Variants in BANF2 observed in about 807,000 individuals in gnomAD.
BANF2 encodes BANF family member 2, also known as barrier-to-autointegration factor-like protein.
BANF2 carries 4 observed loss-of-function variants against 8.0 expected under a neutral mutation model. The ratio of observed to expected loss-of-function variants is 0.50; its 90% CI spans 0.25 to 1.14. BANF2 has a LOEUF of 1.14. Ranked by LOEUF, BANF2 falls within the 50% of genes most tolerant of loss-of-function variation. BANF2 has a pLI of 0.16. For missense variants in BANF2, 96 were observed against 107.5 expected, an observed-to-expected ratio of 0.89 and a Z score of 0.47; for synonymous variants, 50 against 40.6, an observed-to-expected ratio of 1.23 and a Z score of -0.88.
At chr20:17,716,141 C>A (rs2122606411) in intron 1 of BANF2, among the ~76,000 whole-genome samples, 1 of 152,276 alleles carries the variant, frequency 6.6e-6, no homozygotes, top group Non-Finnish European at 1.5e-5. Flanking sequence ...AAAAGTAGTT[C>A]CTGAGTGGAC....
chr20:17,695,674 C>A (rs1369623506), upstream of BANF2, among the ~76,000 whole-genome samples: 2 of 151,918 alleles, frequency 1.3e-5, no homozygotes, highest in Non-Finnish European at 2.9e-5. Flanking sequence ...TATATAGTCA[C>A]CTTTATTGAG....
intron 3 of BANF2, among the ~76,000 whole-genome samples, chr20:17,727,186 T>C (rs2037820129): frequency 6.6e-6 from 1 of 152,196 alleles, no homozygotes; most frequent in African/African-American, 2.4e-5. Flanking sequence ...GGACGGTTTG[T>C]CTGTGTGCAG....
chr20:17,716,011 C>T (rs567318734), intron 1 of BANF2, among the ~76,000 whole-genome samples: 10 of 152,250 alleles, frequency 6.6e-5, no homozygotes, highest in East Asian at 1.9e-4. Context: ...ACCATGACCA[C>T]GGTAGGCTCA....
intron 1 of BANF2, among the ~76,000 whole-genome samples, chr20:17,716,568 TA>T (rs1333438936): frequency 6.6e-6 from 1 of 151,158 alleles, no homozygotes; most frequent in Non-Finnish European, 1.5e-5. Flanking sequence ...TTTTTTTTTT[TA>T]AAGAAAGAGA....
chr20:17,709,722 G>C (rs2037541608), intron 1 of BANF2, among the ~76,000 whole-genome samples: 1 of 152,182 alleles, frequency 6.6e-6, no homozygotes, highest in African/African-American at 2.4e-5. Flanking sequence ...CTCGGTTTGA[G>C]GCCTGGCAAT....
chr20:17,706,405 G>A (rs780570833), intron 1 of BANF2, among the ~76,000 whole-genome samples: 1 of 152,176 alleles, frequency 6.6e-6, no homozygotes, highest in East Asian at 1.9e-4. Flanking sequence ...TGGTTAGTTG[G>A]CTGAACTCAC....
chr20:17,699,240 G>A (rs139948408), upstream of BANF2, among the ~76,000 whole-genome samples: 1 of 152,208 alleles, frequency 6.6e-6, no homozygotes, highest in Non-Finnish European at 1.5e-5. Context: ...AGCACCAGCA[G>A]CAAAAGGGAA....
intron 3 of BANF2, 97 bp downstream of exon 3, chr20:17,725,248 GC>G: frequency 7.0e-7 from 1 of 1,435,620 alleles, no homozygotes; most frequent in Non-Finnish European, 9.6e-7. Context: ...CCTGTGAAGG[GC>G]CATCAGAGAG....
At chr20:17,716,924 G>A (rs1351625108) in intron 1 of BANF2, among the ~76,000 whole-genome samples, 1 of 151,784 alleles carries the variant, frequency 6.6e-6, no homozygotes, top group Non-Finnish European at 1.5e-5. Flanking sequence ...TGGTTGCCCA[G>A]GCTGGTCTTG....
chr20:17,696,442 G>T (rs778657695), upstream of BANF2, among the ~76,000 whole-genome samples: 3 of 152,200 alleles, frequency 2.0e-5, no homozygotes, highest in Non-Finnish European at 4.4e-5. Flanking sequence ...CATTATGTGA[G>T]AGTTCCAGTT....
At chr20:17,697,425 A>G (rs895572034), upstream of BANF2, among the ~76,000 whole-genome samples, 1 of 152,196 alleles carries the variant, frequency 6.6e-6, no homozygotes, top group Non-Finnish European at 1.5e-5. Context: ...ATGATACTCC[A>G]AAGGCCAACC....
intron 1 of BANF2, among the ~76,000 whole-genome samples, chr20:17,714,197 C>CAA (rs11375517): frequency 0.21 from 15,785 of 73,936 alleles, 1,396 homozygotes; most frequent in African/African-American, 0.26. Context: ...GAGACTCTGT[C>CAA]AAAAAAAAAA....
chr20:17,719,139 T>G (rs1470202068), intron 1 of BANF2, among the ~76,000 whole-genome samples: 2 of 152,088 alleles, frequency 1.3e-5, no homozygotes, highest in Non-Finnish European at 2.9e-5. Flanking sequence ...CGTTTTGTTT[T>G]TTGAGATGGA....
At chr20:17,729,108 G>C (rs978238982) in intron 3 of BANF2, among the ~76,000 whole-genome samples, 1 of 152,204 alleles carries the variant, frequency 6.6e-6, no homozygotes, top group Non-Finnish European at 1.5e-5. Flanking sequence ...TGGTCTAGAT[G>C]TAAGGGCGAA....
intron 3 of BANF2, among the ~76,000 whole-genome samples, chr20:17,726,245 A>G (rs6105799): frequency 0.03 from 4,568 of 152,188 alleles, 192 homozygotes; most frequent in African/African-American, 0.091. Context: ...GAGTGCAGTG[A>G]TGCCATCTCG....
intron 3 of BANF2, among the ~76,000 whole-genome samples, chr20:17,727,538 T>G (rs1006259702): frequency 6.6e-6 from 1 of 151,576 alleles, no homozygotes; most frequent in African/African-American, 2.4e-5. Flanking sequence ...TGTATCAGGG[T>G]CTGGAGTCCG....
At chr20:17,698,007 C>A (rs563366095), upstream of BANF2, among the ~76,000 whole-genome samples, 1 of 151,936 alleles carries the variant, frequency 6.6e-6, no homozygotes, top group Non-Finnish European at 1.5e-5. Context: ...GAGTTTGAGA[C>A]CAGCCTGGCC....
intron 1 of BANF2, among the ~76,000 whole-genome samples, chr20:17,700,829 G>A (rs2037396629): frequency 6.6e-6 from 1 of 152,162 alleles, no homozygotes; most frequent in African/African-American, 2.4e-5. Context: ...TGGGCCCCAG[G>A]AGGCACAGCT....
intron 1 of BANF2, among the ~76,000 whole-genome samples, chr20:17,720,502 A>C (rs2122620480): frequency 6.6e-6 from 1 of 152,356 alleles, no homozygotes; most frequent in East Asian, 1.9e-4. Flanking sequence ...GATATTATAT[A>C]ATTCCACTTA....
Sources: gnomAD v4.1 joint callset for allele counts (sites outside exome capture counted in the v4.1 genomes callset) on GRCh38, gnomAD v4.1.1 for gene constraint, MANE v1.5 for transcripts, NCBI Gene and HGNC (gene_info 2026-07-23, HGNC 2026-07-21) for gene names.